Variants in MAP3K4 observed in about 807,000 individuals in gnomAD.
The protein encoded by MAP3K4 is MAP three kinase 1.
MAP3K4 carries 67 observed loss-of-function variants against 185.6 expected under a neutral mutation model. The observed-to-expected ratio is 0.36, with a 90% CI of 0.30 to 0.44. MAP3K4 has a LOEUF of 0.44. MAP3K4 is among the 20% of genes least tolerant of loss of function. The pLI, the probability that MAP3K4 is intolerant of heterozygous loss-of-function variation, is 1.00. For missense variants in MAP3K4, 1,551 were observed against 1,995.1 expected, an observed-to-expected ratio of 0.78 and a Z score of 4.24; for synonymous variants, 702 against 710.4, an observed-to-expected ratio of 0.99 and a Z score of 0.19.
At chr6:161,040,625 C>T (rs1217033808) in intron 2 of MAP3K4, among the ~76,000 whole-genome samples, 1 of 152,214 alleles carries the variant, frequency 6.6e-6, no homozygotes, top group African/African-American at 2.4e-5. Context: ...AACAAAACTG[C>T]TCATCCTGAC....
chr6:161,057,579 C>G (rs529463042), intron 3 of MAP3K4, among the ~76,000 whole-genome samples: 1 of 152,142 alleles, frequency 6.6e-6, no homozygotes, highest in Non-Finnish European at 1.5e-5. Flanking sequence ...GTGGGGGACA[C>G]GAGCACTGAC....
In MAP3K4 at chr6:161,071,117, AT is replaced by A. The variant is rs1784921034; in HGVS notation, c.1950+270del. Among the ~76,000 whole-genome samples, 1 of 152,190 alleles carries A rather than the reference AT, an allele frequency of 6.6e-6. No homozygotes were observed. The highest frequency in any genetic ancestry group is 6.5e-5 in the Admixed American group (1 of 15,288). The stretch of plus-strand genomic sequence containing the variant: ...AAAGTTTCAGTCTTTGAAGACTAAA[AT>A]TTAAAATTCATTCATAAGAGGTAGA... On this transcript the variant is annotated intron_variant, in intron 4 of 26. Coordinates refer to ENST00000392142, the MANE Select transcript of MAP3K4 (RefSeq NM_005922.4). This position sits in a 1 kb window ranked among gnomAD's most constrained non-coding sequence, Gnocchi z 4.6.
In MAP3K4 at chr6:161,084,558, G is replaced by T; in HGVS notation, c.2313G>T (p.Gln771His). Residue 771 changes from glutamine (Q) to histidine (H), a missense_variant, in exon 7 of 27, where the codon CAG becomes CAT. Transcript: ENST00000392142. The surrounding 1 kb of genome is among the most constrained non-coding windows in gnomAD (Gnocchi z 4.6). Reference sequence around the variant, plus strand: ...GAAGTTTTTTAGAATTTGGCTTACAGGAGAGCTGTGCTGAATTTTGGACTA... The same window carrying T: ...GAAGTTTTTTAGAATTTGGCTTACATGAGAGCTGTGCTGAATTTTGGACTA... ...STGSFLEFGL[Q>H]ESCAEFWTSA... 2 of 1,613,166 alleles carry T rather than the reference G, an allele frequency of 1.2e-6. No homozygotes were observed. Among genetic ancestry groups the T allele is most frequent in the South Asian group, 2.2e-5 (2 of 91,048 alleles).
intron 13 of MAP3K4, among the ~76,000 whole-genome samples, chr6:161,092,402 G>T (rs540754115): frequency 6.6e-6 from 1 of 152,170 alleles, no homozygotes; most frequent in South Asian, 2.1e-4. Flanking sequence ...TCTTCCTGAT[G>T]ACTAATGTAT....
chr6:161,001,086 A>G (rs1443422973), intron 1 of MAP3K4, among the ~76,000 whole-genome samples: 3 of 136,656 alleles, frequency 2.2e-5, no homozygotes, highest in African/African-American at 8.2e-5. Context: ...TAATATACAC[A>G]TATGTATATA....
chr6:161,027,270 G>A (rs1161568775), intron 1 of MAP3K4, among the ~76,000 whole-genome samples: 1 of 152,116 alleles, frequency 6.6e-6, no homozygotes, highest in Non-Finnish European at 1.5e-5. Context: ...AAGAGTTTCT[G>A]GTTTGTTCCT....
At chr6:161,069,129 C>CT (rs1562518845) in intron 3 of MAP3K4, among the ~76,000 whole-genome samples, 1 of 152,174 alleles carries the variant, frequency 6.6e-6, no homozygotes, top group Non-Finnish European at 1.5e-5. Context: ...GTTGATGGCT[C>CT]TATTTTTAAA....
intron 2 of MAP3K4, among the ~76,000 whole-genome samples, chr6:161,042,373 G>GATGATT (rs1783507812): frequency 6.6e-6 from 1 of 152,128 alleles, no homozygotes; most frequent in South Asian, 2.1e-4. Flanking sequence ...GTTGGGTAAG[G>GATGATT]ATGATTAGCT....
At chr6:161,044,565 C>T (rs201427568) in intron 2 of MAP3K4, among the ~76,000 whole-genome samples, 1 of 152,290 alleles carries the variant, frequency 6.6e-6, no homozygotes, top group East Asian at 1.9e-4. Context: ...TCCCTTAAGT[C>T]ATAAGTCCCT....
At position 161,092,067 on chromosome 6, in the gene MAP3K4, A is replaced by C; in HGVS notation, c.3193A>C (p.Lys1065Gln). The C allele has an allele frequency of 6.2e-7, 1 of 1,613,832 alleles. No homozygotes were observed. Among genetic ancestry groups the C allele is most frequent in the East Asian group, 2.2e-5 (1 of 44,848 alleles). ...GGAGTTTAGACAGAAGATAGGAGACAAATATATAAGCTTTGCCCGGAAGTG... is the reference window on the plus strand; with the variant it reads ...GGAGTTTAGACAGAAGATAGGAGACCAATATATAAGCTTTGCCCGGAAGTG... ...SGEFRQKIGD[K>Q]YISFARKWMN... The change falls in exon 13 of 27, where the codon AAA (lysine) becomes CAA (glutamine). Residue 1065 changes from lysine to glutamine, a missense_variant. This residue lies in a region of MAP3K4 where 261 missense variants were observed against 306.5 expected (regional missense o/e 0.85). Transcript: ENST00000392142.
Position 161,008,988 on chromosome 6 carries a change from CT to C in MAP3K4, c.152+16920del, listed in dbSNP as rs35129518. Among the ~76,000 whole-genome samples the C allele has an allele frequency of 1.3e-3, 185 of 139,244 alleles. No individual in the cohort carries two copies. Among genetic ancestry groups the C allele is most frequent in the Admixed American group, 1.8e-3 (25 of 13,938 alleles). The allele number at this position is 139,244 out of a possible 152,430, so 91.3% of individuals were successfully genotyped here. A position where few individuals can be genotyped will look rare whatever the true frequency, so the allele number is the denominator to read the frequency against. On this transcript the variant is annotated intron_variant, in intron 1 of 26. Coordinates refer to ENST00000392142, the MANE Select transcript of MAP3K4 (RefSeq NM_005922.4). The surrounding 1 kb of genome is among the most constrained non-coding windows in gnomAD (Gnocchi z 4.1). Reference sequence around the variant, plus strand: ...ATTCATTTTTTTAAACCATCTGAACCTTTTTTTTTTTTTTTGAGACGGAATC... The same window carrying C: ...ATTCATTTTTTTAAACCATCTGAACCTTTTTTTTTTTTTTGAGACGGAATC...
At position 161,109,273 on chromosome 6, in the gene MAP3K4, C is replaced by T. The variant is rs1428763172; in HGVS notation, c.4236+414C>T. On this transcript the variant is annotated intron_variant, in intron 22 of 26. Coordinates refer to ENST00000392142, the MANE Select transcript of MAP3K4 (RefSeq NM_005922.4). This position sits in a 1 kb window ranked among gnomAD's most constrained non-coding sequence, Gnocchi z 5.7. ...ATTCAAACCTCAAATTGAGTTTCCTCCTTGTGTTTAGAAATAAACACGTCG... is the reference window on the plus strand; with the variant it reads ...ATTCAAACCTCAAATTGAGTTTCCTTCTTGTGTTTAGAAATAAACACGTCG... Among the ~76,000 whole-genome samples, 1 of 152,098 alleles carries T rather than the reference C, an allele frequency of 6.6e-6. No homozygotes were observed. The highest frequency in any genetic ancestry group is 1.5e-5 in the Non-Finnish European group (1 of 68,038).
chr6:161,044,160 T>C (rs1340629662), intron 2 of MAP3K4, among the ~76,000 whole-genome samples: 1 of 152,236 alleles, frequency 6.6e-6, no homozygotes, highest in Non-Finnish European at 1.5e-5. Context: ...AGGTTTGCTT[T>C]AATTGTGCTA....
intron 3 of MAP3K4, among the ~76,000 whole-genome samples, chr6:161,069,250 A>T (rs1057129644): frequency 6.6e-6 from 1 of 152,216 alleles, no homozygotes; most frequent in Non-Finnish European, 1.5e-5. Context: ...TCATTAAGCC[A>T]CACCGTCTCT....
rs993866462 is a variant in MAP3K4 at position 161,087,339 on chromosome 6, A to G, written c.2557-349A>G. Among the ~76,000 whole-genome samples, 1 of 152,226 alleles carries G rather than the reference A, an allele frequency of 6.6e-6. No individual in the cohort carries two copies. The highest frequency in any genetic ancestry group is 1.5e-5 in the Non-Finnish European group (1 of 68,034). On this transcript the variant is annotated intron_variant, in intron 9 of 26. Coordinates refer to ENST00000392142, the MANE Select transcript of MAP3K4 (RefSeq NM_005922.4). This position sits in a 1 kb window ranked among gnomAD's most constrained non-coding sequence, Gnocchi z 4.9. ...ACAATTTTTGCCTTTTTCCCAAGCCAGGTGACTTTTTGTAAGCATCACAAA... is the reference window on the plus strand; with the variant it reads ...ACAATTTTTGCCTTTTTCCCAAGCCGGGTGACTTTTTGTAAGCATCACAAA...
At chr6:161,032,254 C>G (rs1001256734) in intron 1 of MAP3K4, among the ~76,000 whole-genome samples, 2 of 152,176 alleles carry the variant, frequency 1.3e-5, no homozygotes, top group Non-Finnish European at 2.9e-5. Context: ...CAGGCCTACA[C>G]CATGCTCAAC....
At chr6:161,066,353 C>T (rs908287852) in intron 3 of MAP3K4, among the ~76,000 whole-genome samples, 3 of 151,808 alleles carry the variant, frequency 2.0e-5, no homozygotes, top group Admixed American at 6.6e-5. Flanking sequence ...ACGTTAGAGC[C>T]GCTAGATCTG....
intron 2 of MAP3K4, among the ~76,000 whole-genome samples, chr6:161,045,042 C>T (rs1463891198): frequency 6.6e-6 from 1 of 152,132 alleles, no homozygotes; most frequent in Non-Finnish European, 1.5e-5. Context: ...CCTTCTGTCA[C>T]AAGTATATTA....
chr6:161,085,162 AAAGAT>A (rs1785646106), intron 7 of MAP3K4, among the ~76,000 whole-genome samples: 2 of 152,026 alleles, frequency 1.3e-5, no homozygotes, highest in South Asian at 4.1e-4. Context: ...AAAAAAAACT[AAAGAT>A]AAAGAGATAA....
Sources: gnomAD v4.1 joint callset for allele counts (sites outside exome capture counted in the v4.1 genomes callset) on GRCh38, gnomAD v4.1.1 for gene constraint, gnomAD v4.1.1 regional missense constraint, Gnocchi (gnomAD v3.1) non-coding constraint, MANE v1.5 for transcripts, NCBI Gene and HGNC (gene_info 2026-07-23, HGNC 2026-07-21) for gene names.